Variants in RAB6B observed in about 807,000 individuals in gnomAD.
RAB6B encodes the protein ras-related protein Rab-6B.
Under a neutral mutation model 31.2 loss-of-function variants are expected in RAB6B, and 7 were observed. The ratio of observed to expected loss-of-function variants is 0.22; its 90% CI spans 0.13 to 0.42. The LOEUF (loss-of-function observed/expected upper bound fraction) is 0.42, where lower values mean the gene tolerates loss of function less well. Ranked by LOEUF, RAB6B falls within the 10% of genes least tolerant of loss-of-function variation. The pLI, the probability that RAB6B is intolerant of heterozygous loss-of-function variation, is 1.00. For missense variants in RAB6B, 149 were observed against 280.6 expected (o/e 0.53, Z 3.35); for synonymous variants, 105 against 104.9 (o/e 1.00, Z -0.01).
chr3:133,829,294 C>T (rs546579101), intron 7 of RAB6B, among the ~76,000 whole-genome samples: 2 of 152,306 alleles, frequency 1.3e-5, no homozygotes, highest in East Asian at 1.9e-4. Context: ...GCAGCAGGAG[C>T]AAACCCTTCA....
At chr3:133,877,796 A>G (rs1377118193) in intron 1 of RAB6B, among the ~76,000 whole-genome samples, 1 of 148,520 alleles carries the variant, frequency 6.7e-6, no homozygotes, top group Non-Finnish European at 1.5e-5. Flanking sequence ...TATATATAGA[A>G]TATATGCTAT....
chr3:133,891,582 T>C (rs897718200), intron 1 of RAB6B, among the ~76,000 whole-genome samples: 6 of 152,160 alleles, frequency 3.9e-5, no homozygotes, highest in African/African-American at 1.2e-4. Flanking sequence ...CACAAATGTC[T>C]GTGCTCCCAG....
At chr3:133,860,931 G>A (rs17376789) in intron 2 of RAB6B, among the ~76,000 whole-genome samples, 24,454 of 152,220 alleles carry the variant, frequency 0.16, 2,521 homozygotes, top group Middle Eastern at 0.27. Flanking sequence ...ACCCGAGCCC[G>A]TGAATCTCGC....
chr3:133,881,851 CT>C (rs1223494541), intron 1 of RAB6B, among the ~76,000 whole-genome samples: 1 of 152,226 alleles, frequency 6.6e-6, no homozygotes, highest in East Asian at 1.9e-4. Flanking sequence ...CAGGTGTCAC[CT>C]TCCTCTAAAA....
intron 2 of RAB6B, among the ~76,000 whole-genome samples, chr3:133,849,829 G>A (rs1206052291): frequency 6.6e-6 from 1 of 152,204 alleles, no homozygotes; most frequent in Non-Finnish European, 1.5e-5. Context: ...TTTCCCAGAA[G>A]AGAAAAGTCA....
At chr3:133,841,486 T>C in intron 3 of RAB6B, 96 bp from the exon 4 acceptor site, 2 of 1,534,896 alleles carry the variant, frequency 1.3e-6, no homozygotes, top group Non-Finnish European at 1.8e-6. Flanking sequence ...TCTGCAATGC[T>C]GGCATCACCA....
intron 1 of RAB6B, among the ~76,000 whole-genome samples, chr3:133,873,035 C>T (rs995720883): frequency 6.6e-6 from 1 of 152,188 alleles, no homozygotes; most frequent in Non-Finnish European, 1.5e-5. Flanking sequence ...CACTTCTCCA[C>T]TGAGTGCCCC....
chr3:133,847,003 T>C (rs1935916354), intron 2 of RAB6B, among the ~76,000 whole-genome samples: 1 of 152,234 alleles, frequency 6.6e-6, no homozygotes, highest in African/African-American at 2.4e-5. Context: ...TCTTCAAGGC[T>C]GGAATACAAG....
chr3:133,841,627 AC>A lies in RAB6B; in HGVS notation c.165del (p.Met55IlefsTer24). 6.2e-7 allele frequency: 1 copy of A among 1,613,694 alleles called. No homozygotes were observed. Among genetic ancestry groups the A allele is most frequent in the Non-Finnish European group, 8.5e-7 (1 of 1,179,900 alleles). ...TIGIDFLSKT[M>X]YLEDRTVRLQ... ...GTGCTCACCGTGCGGTCCTCCAAGTACATGGTTTTTGACAAGAAGTCAATCC... is the reference window on the plus strand; with the variant it reads ...GTGCTCACCGTGCGGTCCTCCAAGTAATGGTTTTTGACAAGAAGTCAATCC... On this transcript the variant is annotated frameshift_variant, in exon 3 of 8. Transcript: ENST00000285208. LOFTEE classifies it high-confidence loss of function.
At chr3:133,837,726 G>C (rs1251726335) in intron 6 of RAB6B, among the ~76,000 whole-genome samples, 5 of 152,288 alleles carry the variant, frequency 3.3e-5, no homozygotes, top group Admixed American at 6.5e-5. Context: ...CTTTCCCCCA[G>C]GCCTGAGTTG....
intron 2 of RAB6B, among the ~76,000 whole-genome samples, chr3:133,860,666 T>A (rs1936148090): frequency 6.6e-6 from 1 of 152,196 alleles, no homozygotes; most frequent in Non-Finnish European, 1.5e-5. Flanking sequence ...GCAGCCACTC[T>A]GTTCCCAGGC....
intron 1 of RAB6B, among the ~76,000 whole-genome samples, chr3:133,893,017 G>A (rs1368336464): frequency 1.3e-5 from 2 of 152,140 alleles, no homozygotes; most frequent in Non-Finnish European, 2.9e-5. Flanking sequence ...GGCTTTTCAG[G>A]GCCTTGGGAC....
chr3:133,838,136 TGCC>T (rs763248026), intron 6 of RAB6B, 27 bp downstream of exon 6: 38 of 1,577,188 alleles, frequency 2.4e-5, no homozygotes, highest in African/African-American at 1.2e-4. Flanking sequence ...CCGGGCCCCG[TGCC>T]GGGCCCCGTG....
chr3:133,879,042 G>A (rs1157637721), intron 1 of RAB6B, among the ~76,000 whole-genome samples: 1 of 152,138 alleles, frequency 6.6e-6, no homozygotes, highest in African/African-American at 2.4e-5. Flanking sequence ...CTCATTTCTT[G>A]TGTGATCTTG....
At chr3:133,888,254 C>T (rs982056084) in intron 1 of RAB6B, among the ~76,000 whole-genome samples, 2 of 152,224 alleles carry the variant, frequency 1.3e-5, no homozygotes, top group Non-Finnish European at 2.9e-5. Context: ...TCTCTCTGAG[C>T]CTCTGCCTCC....
rs1935595982 is a variant in RAB6B at position 133,827,942 on chromosome 3, A to G, written c.*846T>C. On this transcript the variant is annotated 3_prime_UTR_variant, in exon 8 of 8. Coordinates refer to ENST00000285208, the MANE Select transcript of RAB6B (RefSeq NM_016577.4). The stretch of plus-strand genomic sequence containing the variant: ...TTTTCAGAAGTACACATGGCACCCC[A>G]GTCTATAAACCACGCACCACGCAGC... The G allele has an allele frequency of 5.7e-6, 4 of 702,856 alleles. No homozygotes were observed. The highest frequency in any genetic ancestry group is 2.0e-5 in the Admixed American group (1 of 50,000). 43.5% of individuals were successfully genotyped at this position (702,856 alleles called of 1,614,324 possible).
chr3:133,894,622 C>G (rs1253457254), intron 1 of RAB6B: 1 of 152,260 alleles, frequency 6.6e-6, no homozygotes, highest in East Asian at 1.9e-4. Flanking sequence ...TTCACAGCCT[C>G]TCGGTGTGAG....
Position 133,846,471 on chromosome 3 carries a change from G to A in RAB6B, c.130-4808C>T, listed in dbSNP as rs375347962. Among the ~76,000 whole-genome samples, 22 of 152,140 alleles carry A rather than the reference G, an allele frequency of 1.4e-4. 2 individuals carry two copies. The highest frequency in any genetic ancestry group is 2.7e-4 in the African/African-American group (11 of 41,490). ...CCCAAAAAATAATAAAACAAAAAAT[G>A]CAATTAGAGTCTCAGGACAGTAGAA... On this transcript the variant is annotated intron_variant, in intron 2 of 7. Transcript: ENST00000285208.
chr3:133,856,171 C>G (rs1417252623), intron 2 of RAB6B, among the ~76,000 whole-genome samples: 1 of 152,134 alleles, frequency 6.6e-6, no homozygotes, highest in East Asian at 1.9e-4. Flanking sequence ...TCATTTATGC[C>G]ACTGTTCATC....
Sources: allele counts gnomAD v4.1 joint callset (sites outside exome capture counted in the v4.1 genomes callset), GRCh38; gene constraint gnomAD v4.1.1; transcripts MANE v1.5; gene names NCBI Gene and HGNC (gene_info 2026-07-23, HGNC 2026-07-21).